Variants in CHSY3 observed in about 807,000 individuals in gnomAD.
CHSY3 encodes the protein chondroitin sulfate synthase 3, also known as N-acetylgalactosaminyl-proteoglycan 3-beta-glucuronosyltransferase 3.
Under a neutral mutation model 67.2 loss-of-function variants are expected in CHSY3, and 35 were observed. The ratio of observed to expected loss-of-function variants is 0.52; its 90% CI spans 0.40 to 0.69. The LOEUF is 0.69. Ranked by LOEUF, CHSY3 falls within the 30% of genes least tolerant of loss-of-function variation. CHSY3 has a pLI of 0.00. For synonymous variants in CHSY3, 474 were observed against 434.7 expected (o/e 1.09, Z -1.12); for missense variants, 1,069 against 1,138.5 (o/e 0.94, Z 0.88).
intron 2 of CHSY3, among the ~76,000 whole-genome samples, chr5:130,085,215 C>T (rs1318340394): frequency 6.6e-6 from 1 of 151,820 alleles, no homozygotes; most frequent in Non-Finnish European, 1.5e-5. Flanking sequence ...TAAATATATA[C>T]AATTATTATT....
At chr5:130,022,332 T>A (rs1764416287) in intron 2 of CHSY3, among the ~76,000 whole-genome samples, 1 of 152,044 alleles carries the variant, frequency 6.6e-6, no homozygotes, top group African/African-American at 2.4e-5. Context: ...ATGATGTTAG[T>A]AAGTAGTCAT....
chr5:129,958,572 C>T (rs1369633947), intron 2 of CHSY3, among the ~76,000 whole-genome samples: 1 of 151,994 alleles, frequency 6.6e-6, no homozygotes, highest in Non-Finnish European at 1.5e-5. Flanking sequence ...GCTCTGTTAC[C>T]CAGCCTGGAG....
intron 2 of CHSY3, among the ~76,000 whole-genome samples, chr5:129,978,750 C>A (rs1199145143): frequency 1.3e-5 from 2 of 151,776 alleles, no homozygotes; most frequent in Non-Finnish European, 2.9e-5. Flanking sequence ...CTCAGTTTAT[C>A]TAAATATATA....
At chr5:130,153,909 T>TTTGTTTGC (rs1401548110) in intron 2 of CHSY3, among the ~76,000 whole-genome samples, 2 of 126,242 alleles carry the variant, frequency 1.6e-5, no homozygotes, top group Admixed American at 8.0e-5. Context: ...TCTGGCTGTT[T>TTTGTTTGC]TTGTTTGTTT....
At chr5:129,949,580 A>G (rs1209959831) in intron 2 of CHSY3, among the ~76,000 whole-genome samples, 1 of 152,174 alleles carries the variant, frequency 6.6e-6, no homozygotes, top group South Asian at 2.1e-4. Flanking sequence ...CCAAAAATTG[A>G]AGAAGAGGGA....
At chr5:129,972,326 A>G (rs1762665826) in intron 2 of CHSY3, among the ~76,000 whole-genome samples, 1 of 151,976 alleles carries the variant, frequency 6.6e-6, no homozygotes, top group African/African-American at 2.4e-5. Flanking sequence ...GATGACTTGA[A>G]GACCCCTAAC....
chr5:129,948,253 C>A (rs972713508), intron 2 of CHSY3, among the ~76,000 whole-genome samples: 1 of 152,002 alleles, frequency 6.6e-6, no homozygotes, highest in Admixed American at 6.6e-5. Context: ...TTTATTTAGT[C>A]GTGATTTCTG....
chr5:129,998,492 C>T (rs2149636453), intron 2 of CHSY3, among the ~76,000 whole-genome samples: 1 of 152,158 alleles, frequency 6.6e-6, no homozygotes, highest in African/African-American at 2.4e-5. Flanking sequence ...ATCTATAGGA[C>T]AAATTCTTAA....
At chr5:130,181,466 GTCTC>G (rs1480835109) in intron 2 of CHSY3, among the ~76,000 whole-genome samples, 1 of 151,844 alleles carries the variant, frequency 6.6e-6, no homozygotes, top group Non-Finnish European at 1.5e-5. Context: ...CTCTCTCTCT[GTCTC>G]TCTCTCCAGG....
At chr5:130,062,608 C>G (rs537608722) in intron 2 of CHSY3, among the ~76,000 whole-genome samples, 3 of 151,988 alleles carry the variant, frequency 2.0e-5, no homozygotes, top group Non-Finnish European at 4.4e-5. Context: ...GGTACATGTG[C>G]ATACCTATGT....
intron 2 of CHSY3, among the ~76,000 whole-genome samples, chr5:129,911,115 G>A (rs1457317919): frequency 1.3e-5 from 2 of 150,862 alleles, no homozygotes; most frequent in Non-Finnish European, 3.0e-5. Flanking sequence ...TTTTAAAAAT[G>A]GTGAACGTGC....
At chr5:129,983,837 A>G (rs1196732073) in intron 2 of CHSY3, among the ~76,000 whole-genome samples, 1 of 152,116 alleles carries the variant, frequency 6.6e-6, no homozygotes, top group African/African-American at 2.4e-5. Flanking sequence ...GTAGAATGGT[A>G]ATTATATGTA....
chr5:130,102,522 T>C (rs1767279417), intron 2 of CHSY3, among the ~76,000 whole-genome samples: 1 of 152,048 alleles, frequency 6.6e-6, no homozygotes, highest in African/African-American at 2.4e-5. Flanking sequence ...CAATAATATT[T>C]CTGGTCGTTT....
intron 2 of CHSY3, among the ~76,000 whole-genome samples, chr5:130,145,354 T>C (rs1300160602): frequency 6.6e-6 from 1 of 152,212 alleles, no homozygotes; most frequent in Non-Finnish European, 1.5e-5. Context: ...GAAGAGATAG[T>C]ATCTTCAATA....
At chr5:129,926,763 A>T (rs1334983789) in intron 2 of CHSY3, among the ~76,000 whole-genome samples, 4 of 151,796 alleles carry the variant, frequency 2.6e-5, no homozygotes, top group African/African-American at 9.7e-5. Flanking sequence ...CATATTTTAT[A>T]GTTTTGTTTG....
chr5:130,091,108 C>T (rs1283109644), intron 2 of CHSY3, among the ~76,000 whole-genome samples: 2 of 121,348 alleles, frequency 1.6e-5, no homozygotes, highest in Non-Finnish European at 1.6e-5. Context: ...TGAACTTAAA[C>T]GCAACACACA....
intron 2 of CHSY3, among the ~76,000 whole-genome samples, chr5:129,916,000 C>T (rs1466352179): frequency 1.3e-5 from 2 of 152,106 alleles, no homozygotes; most frequent in Non-Finnish European, 2.9e-5. Context: ...ATAATTCTCT[C>T]AATAGAAGCC....
At position 130,120,624 on chromosome 5, in the gene CHSY3, A is replaced by G. The variant is rs377547126; in HGVS notation, c.1087-63605A>G. ...CACTTACTGGTTGTATGTGTGACCT[A>G]TGGCAAGTTATTTTACTAACTTCTA... On this transcript the variant is annotated intron_variant, in intron 2 of 2. Transcript: ENST00000305031. 1.9e-3 allele frequency among the ~76,000 whole-genome samples: 290 copies of G among 152,236 alleles called. 12 individuals carry two copies. The South Asian group carries it at 0.059, about 31-fold the overall frequency.
intron 2 of CHSY3, among the ~76,000 whole-genome samples, chr5:130,059,759 A>C (rs1407853206): frequency 6.6e-6 from 1 of 152,158 alleles, no homozygotes; most frequent in Admixed American, 6.5e-5. Flanking sequence ...TACATTACCA[A>C]GTTTCAAAAG....
Sources: allele counts gnomAD v4.1 joint callset (sites outside exome capture counted in the v4.1 genomes callset), GRCh38; gene constraint gnomAD v4.1.1; transcripts MANE v1.5; gene names NCBI Gene and HGNC (gene_info 2026-07-23, HGNC 2026-07-21).